Variants in ITPK1 observed in about 807,000 individuals in gnomAD.
The protein encoded by ITPK1 is inositol 1,3,4-trisphosphate 5/6-kinase.
In ITPK1, 21 loss-of-function variants were observed where a neutral mutation model predicts 45.3. The observed-to-expected ratio is 0.46, with a 90% CI of 0.33 to 0.67. ITPK1 has a LOEUF of 0.67. Ranked by LOEUF, ITPK1 falls within the 30% of genes least tolerant of loss-of-function variation. The pLI, the probability that ITPK1 is intolerant of heterozygous loss-of-function variation, is 0.02. For missense variants in ITPK1, 474 were observed against 573.5 expected (o/e 0.83, Z 1.77); for synonymous variants, 258 against 253.6 (o/e 1.02, Z -0.16).
intron 5 of ITPK1, among the ~76,000 whole-genome samples, chr14:92,963,842 T>A (rs1885212119): frequency 6.6e-6 from 1 of 152,158 alleles, no homozygotes; most frequent in South Asian, 2.1e-4. Context: ...CCTTCCCTGA[T>A]AAGACCACAA....
chr14:93,035,473 CAG>C (rs1416939521), intron 3 of ITPK1, among the ~76,000 whole-genome samples: 3 of 152,162 alleles, frequency 2.0e-5, no homozygotes, highest in Non-Finnish European at 4.4e-5. Flanking sequence ...ACATGTACAC[CAG>C]AGAGCCCCAA....
intron 10 of ITPK1, among the ~76,000 whole-genome samples, chr14:92,944,567 C>T (rs536035346): frequency 6.6e-5 from 10 of 152,326 alleles, no homozygotes; most frequent in African/African-American, 2.2e-4. Flanking sequence ...GCTTCCCACC[C>T]TCTCCTGTCT....
intron 2 of ITPK1, among the ~76,000 whole-genome samples, chr14:93,104,350 G>A (rs185034840): frequency 1.2e-3 from 178 of 152,238 alleles, no homozygotes; most frequent in African/African-American, 3.8e-3. Context: ...TTTGCTGGGT[G>A]TGATGGCGGG....
chr14:92,979,554 T>C (rs931760324), intron 5 of ITPK1, among the ~76,000 whole-genome samples: 1 of 152,164 alleles, frequency 6.6e-6, no homozygotes, highest in African/African-American at 2.4e-5. Flanking sequence ...GATTGGATCA[T>C]GGAAGCAGAT....
chr14:93,000,623 T>C (rs1887286423), intron 4 of ITPK1, among the ~76,000 whole-genome samples: 1 of 152,152 alleles, frequency 6.6e-6, no homozygotes, highest in Non-Finnish European at 1.5e-5. Flanking sequence ...GCTCTGTGAC[T>C]GAACTGTTGT....
At chr14:93,028,812 G>C (rs1373115467) in intron 3 of ITPK1, among the ~76,000 whole-genome samples, 1 of 152,204 alleles carries the variant, frequency 6.6e-6, no homozygotes, top group African/African-American at 2.4e-5. Context: ...CAGCGTCCCA[G>C]GCACGATGAT....
chr14:92,948,208 A>C (rs572414413), intron 9 of ITPK1, among the ~76,000 whole-genome samples: 3 of 152,194 alleles, frequency 2.0e-5, no homozygotes, highest in African/African-American at 7.2e-5. Flanking sequence ...ATGGGGAGTG[A>C]GTGCCGGTGG....
At position 92,968,649 on chromosome 14, in the gene ITPK1, G is replaced by T. The variant is rs529859877; in HGVS notation, c.365-5800C>A. Among the ~76,000 whole-genome samples, 18 of 152,368 alleles carry T rather than the reference G, an allele frequency of 1.2e-4. No homozygotes were observed. The South Asian group carries it at 2.3e-3, about 19-fold the overall frequency. Reference sequence around the variant, plus strand: ...ATGGGCCACATCCAGCATCAGGCCAGACACCCCCACCCTTCTGAAATCCCA... The same window carrying T: ...ATGGGCCACATCCAGCATCAGGCCATACACCCCCACCCTTCTGAAATCCCA... On this transcript the variant is annotated intron_variant, in intron 5 of 10. Transcript: ENST00000267615.
In ITPK1 at chr14:93,010,978, C is replaced by T. The variant is rs748385491; in HGVS notation, c.246+5698G>A. Among the ~76,000 whole-genome samples the T allele has an allele frequency of 2.0e-5, 3 of 152,162 alleles. No individual in the cohort carries two copies. The East Asian group carries it at 5.8e-4, about 29-fold the overall frequency. ...CGTGGCTGACTGACCCTTACACACA[C>T]GTGCACCATTCACACCATGCCAGGC... On this transcript the variant is annotated intron_variant, in intron 4 of 10. Transcript: ENST00000267615.
chr14:92,978,771 T>C (rs376659218), intron 5 of ITPK1, among the ~76,000 whole-genome samples: 1 of 152,190 alleles, frequency 6.6e-6, no homozygotes, highest in East Asian at 1.9e-4. Context: ...TTTCAGAGGA[T>C]GTATGGAAAC....
intron 4 of ITPK1, among the ~76,000 whole-genome samples, chr14:93,008,884 C>G (rs1055220358): frequency 2.0e-5 from 3 of 152,192 alleles, no homozygotes; most frequent in Non-Finnish European, 1.5e-5. Context: ...TGTGTGATTC[C>G]AAACACTAAA....
chr14:93,028,901 G>A (rs908803749), intron 3 of ITPK1, among the ~76,000 whole-genome samples: 5 of 152,200 alleles, frequency 3.3e-5, no homozygotes, highest in African/African-American at 4.8e-5. Context: ...GAACAGAGAC[G>A]CTCAAGCTGA....
At chr14:93,077,383 T>C (rs1444230119) in intron 2 of ITPK1, among the ~76,000 whole-genome samples, 1 of 152,096 alleles carries the variant, frequency 6.6e-6, no homozygotes, top group Non-Finnish European at 1.5e-5. Flanking sequence ...AATGTTACGA[T>C]CTCAGCTCAC....
chr14:92,946,376 T>G lies in ITPK1; in HGVS notation c.856A>C (p.Asn286His). 6.2e-7 allele frequency: 1 copy of G among 1,613,490 alleles called. No individual in the cohort carries two copies. The highest frequency in any genetic ancestry group is 8.5e-7 in the Non-Finnish European group (1 of 1,180,004). Residue 286 changes from asparagine to histidine, a missense_variant, in exon 10 of 11, where the codon AAC becomes CAC. Transcript: ENST00000267615. ...SLFGIDIIIN[N>H]QTGQHAVIDI... ...ATGACGGCGTGCTGCCCTGTCTGGT[T>G]GTTGATGATGATGTCGATGCCGAAG...
chr14:92,941,528 C>T lies in ITPK1; in HGVS notation c.*33G>A, dbSNP rs1178725802. 1.3e-6 allele frequency: 2 copies of T among 1,505,930 alleles called. No individual in the cohort carries two copies. Among genetic ancestry groups the T allele is most frequent in the Non-Finnish European group, 8.8e-7 (1 of 1,135,354 alleles). 93.3% of individuals were successfully genotyped at this position (1,505,930 alleles called of 1,614,324 possible). On this transcript the variant is annotated 3_prime_UTR_variant, in exon 11 of 11. Coordinates refer to ENST00000267615, the MANE Select transcript of ITPK1 (RefSeq NM_014216.6). The stretch of plus-strand genomic sequence containing the variant: ...CTGGCCCAGCGGGTGTGCTCTGCGC[C>T]CTGCGCTGCCCCTCTGGGTCCCGGC...
intron 3 of ITPK1, among the ~76,000 whole-genome samples, chr14:93,026,548 G>A (rs1435852099): frequency 6.6e-6 from 1 of 152,184 alleles, no homozygotes; most frequent in Non-Finnish European, 1.5e-5. Context: ...CGTCTCGACG[G>A]CAGCAAGTTG....
chr14:92,989,114 T>C (rs1480700555), intron 5 of ITPK1, among the ~76,000 whole-genome samples: 1 of 152,216 alleles, frequency 6.6e-6, no homozygotes, highest in Non-Finnish European at 1.5e-5. Context: ...TGGGGAATTA[T>C]TTCTCCAGGC....
chr14:93,005,007 G>C (rs1366115033), intron 4 of ITPK1, among the ~76,000 whole-genome samples: 1 of 152,168 alleles, frequency 6.6e-6, no homozygotes, highest in Non-Finnish European at 1.5e-5. Flanking sequence ...ACAAGGTAGA[G>C]AGCAGGAGAC....
intron 5 of ITPK1, among the ~76,000 whole-genome samples, chr14:92,969,391 G>T (rs970800621): frequency 6.6e-6 from 1 of 152,052 alleles, no homozygotes; most frequent in Non-Finnish European, 1.5e-5. Flanking sequence ...AAAGACTGGG[G>T]GGGTGGGGAG....
Sources: allele counts gnomAD v4.1 joint callset (sites outside exome capture counted in the v4.1 genomes callset), GRCh38; gene constraint gnomAD v4.1.1; transcripts MANE v1.5; gene names NCBI Gene and HGNC (gene_info 2026-07-23, HGNC 2026-07-21).